Variants in COQ5 observed in about 807,000 individuals in gnomAD.
COQ5 encodes the protein 2-methoxy-6-polyprenyl-1,4-benzoquinol methylase, mitochondrial.
COQ5 carries 27 observed loss-of-function variants against 40.5 expected under a neutral mutation model. That is an observed-to-expected ratio of 0.67 (90% confidence interval 0.49 to 0.92). COQ5 has a LOEUF of 0.92. COQ5 is among the 40% of genes least tolerant of loss of function. The pLI is 0.00. For missense variants in COQ5, 409 were observed against 406.4 expected, an observed-to-expected ratio of 1.01 and a Z score of -0.06; for synonymous variants, 141 against 150.0, an observed-to-expected ratio of 0.94 and a Z score of 0.44.
At position 120,528,936 on chromosome 12, in the gene COQ5, T is replaced by C; in HGVS notation, c.202+4A>G. The C allele has an allele frequency of 6.2e-7, 1 of 1,613,984 alleles. No homozygotes were observed. Among genetic ancestry groups the C allele is most frequent in the Non-Finnish European group, 8.5e-7 (1 of 1,179,886 alleles). Reference sequence around the variant, plus strand: ...CCTCCCATCCGCCCTCTCGCCCCTTTCACCTTTGCCCCCCTTCTCCTCTTC... The same window carrying C: ...CCTCCCATCCGCCCTCTCGCCCCTTCCACCTTTGCCCCCCTTCTCCTCTTC... On this transcript the variant is annotated splice_donor_region_variant and intron_variant, in intron 1 of 6. Coordinates refer to ENST00000288532, the MANE Select transcript of COQ5 (RefSeq NM_032314.4).
Position 120,526,698 on chromosome 12 carries a change from A to ATTTTTTTTTTTTTTTTTTTTTTTTTTT in COQ5, c.202+2215_202+2241dup, listed in dbSNP as rs61584250. ...AATAGTGCTCAAACTACTCTTGGCA[A>ATTTTTTTTTTTTTTTTTTTTTTTTTTT]TTTTTTTTTTTTTTTTTTTTTTTTT... On this transcript the variant is annotated intron_variant, in intron 1 of 6. Transcript: ENST00000288532. Among the ~76,000 whole-genome samples the ATTTTTTTTTTTTTTTTTTTTTTTTTTT allele has an allele frequency of 7.8e-5, 5 of 64,150 alleles. 1 individual carries two copies. The highest frequency in any genetic ancestry group is 4.1e-4 in the African/African-American group (5 of 12,192). The allele number at this position is 64,150 out of a possible 152,430, so 42.1% of individuals were successfully genotyped here. A position where few individuals can be genotyped will look rare whatever the true frequency, so the allele number is the denominator to read the frequency against.
intron 2 of COQ5, among the ~76,000 whole-genome samples, chr12:120,518,020 T>G (rs1869460309): frequency 6.6e-6 from 1 of 152,090 alleles, no homozygotes; most frequent in Non-Finnish European, 1.5e-5. Context: ...TTGGTCAGGC[T>G]GGTCTCGAAC....
chr12:120,519,567 A>G (rs1869545087), intron 2 of COQ5, among the ~76,000 whole-genome samples: 1 of 151,764 alleles, frequency 6.6e-6, no homozygotes, highest in South Asian at 2.1e-4. Context: ...CTCAAAAAAA[A>G]AAGAATTGAA....
Position 120,504,027 on chromosome 12 carries a change from A to G in COQ5, c.825T>C (p.Ala275=). The G allele has an allele frequency of 7.4e-6, 12 of 1,613,920 alleles. No homozygotes were observed. The highest frequency in any genetic ancestry group is 1.0e-5 in the Non-Finnish European group (12 of 1,179,762). The change falls in exon 6 of 7, where the codon GCT becomes GCC. Residue 275 remains alanine, a synonymous_variant. Coordinates refer to ENST00000288532, the MANE Select transcript of COQ5 (RefSeq NM_032314.4). The part of the protein sequence containing the change: ...QVIPVLGEVI[A]GDWKSYQYLV... ...GGTACTGATAGGACTTCCAGTCTCC[A>G]GCGATGACCTCTCCCAGGACAGGGA...
At chr12:120,524,529 G>C (rs1476843318) in intron 1 of COQ5, among the ~76,000 whole-genome samples, 1 of 152,172 alleles carries the variant, frequency 6.6e-6, no homozygotes, top group Admixed American at 6.6e-5. Context: ...CAAAGTGCTA[G>C]GATTATAGGC....
At chr12:120,504,112 T>C (rs1868774010) in intron 5 of COQ5, 31 bp from the exon 6 acceptor site, 10 of 1,273,030 alleles carry the variant, frequency 7.9e-6, no homozygotes, top group Non-Finnish European at 1.1e-5. Context: ...AAGATGAAGA[T>C]TAGAACATGC....
intron 1 of COQ5, 132 bp from the exon 2 acceptor site, chr12:120,522,495 T>C: frequency 1.2e-6 from 1 of 822,890 alleles, no homozygotes; most frequent in Non-Finnish European, 2.1e-6. Context: ...TCGTAATGCT[T>C]GATGCCCAAA....
At chr12:120,522,950 C>G (rs770446917) in intron 1 of COQ5, 1 of 616,228 alleles carries the variant, frequency 1.6e-6, no homozygotes, top group Non-Finnish European at 2.9e-6. Flanking sequence ...TGGCCTGCAT[C>G]TTTTTTAGGC....
chr12:120,529,007 T>C lies in COQ5; in HGVS notation c.135A>G (p.Gln45=), dbSNP rs1378670424. The stretch of plus-strand genomic sequence containing the variant: ...AGTGCGTTTCCGCTGCCCGCTTCTC[T>C]TGGGACAAGAGCCGAGCACTTAGTA... The part of the protein sequence containing the change: ...GDLLSARLLS[Q]EKRAAETHFG... The change falls in exon 1 of 7, where the codon CAA becomes CAG. Residue 45 remains glutamine (Q), a synonymous_variant. Coordinates refer to ENST00000288532, the MANE Select transcript of COQ5 (RefSeq NM_032314.4). 2 of 1,614,006 alleles carry C rather than the reference T, an allele frequency of 1.2e-6. No individual in the cohort carries two copies. The highest frequency in any genetic ancestry group is 1.7e-6 in the Non-Finnish European group (2 of 1,180,046).
chr12:120,516,501 A>C lies in COQ5; in HGVS notation c.574+66T>G, dbSNP rs184473794. 1.6e-5 allele frequency: 21 copies of C among 1,299,638 alleles called. No homozygotes were observed. In the East Asian group the frequency reaches 4.6e-4, roughly 28 times the overall value. The allele number at this position is 1,299,638 out of a possible 1,614,324, so 80.5% of individuals were successfully genotyped here. A position where few individuals can be genotyped will look rare whatever the true frequency, so the allele number is the denominator to read the frequency against. On this transcript the variant is annotated intron_variant, in intron 3 of 6. Coordinates refer to ENST00000288532, the MANE Select transcript of COQ5 (RefSeq NM_032314.4). ...AAAAGATAAAGCATTTCAATATTTT[A>C]CATATTCCACCTTATTCTATAAAGA...
At chr12:120,506,015 C>A (rs962031587) in intron 4 of COQ5, among the ~76,000 whole-genome samples, 1 of 152,046 alleles carries the variant, frequency 6.6e-6, no homozygotes, top group Non-Finnish European at 1.5e-5. Flanking sequence ...ACCACCACAC[C>A]CAACTAATTT....
intron 1 of COQ5, 134 bp downstream of exon 1, chr12:120,528,806 A>C (rs1263117230): frequency 3.4e-6 from 1 of 297,728 alleles, no homozygotes. Flanking sequence ...TTCTGTCTCC[A>C]AAAAAAAAAA....
chr12:120,510,145 G>A (rs500003), intron 3 of COQ5, 22 bp from the exon 4 acceptor site: 1,565,897 of 1,583,280 alleles, frequency 0.99, 774,756 homozygotes, highest in Non-Finnish European at 1. Context: ...AGTGAGTTCC[G>A]GGTCTCAGTG....
In COQ5 at chr12:120,504,959, G is replaced by C; in HGVS notation, c.706C>G (p.Leu236Val). 6.2e-7 allele frequency: 1 copy of C among 1,614,120 alleles called. No homozygotes were observed. The highest frequency in any genetic ancestry group is 1.3e-5 in the African/African-American group (1 of 75,040). The part of the protein sequence containing the change: ...DQALQEAHRV[L>V]KPGGRFLCLE... ...CAGAGAAACCGTCCTCCTGGTTTCA[G>C]CACCCGATGAGCTTCCTGGAGTGCC... Residue 236 changes from leucine (L) to valine (V), a missense_variant, in exon 5 of 7, where the codon CTG becomes GTG. Physicochemically the swap from Leu to Val is conservative, Grantham distance 32 (BLOSUM62 1). Transcript: ENST00000288532.
At position 120,529,119 on chromosome 12, in the gene COQ5, G is replaced by A. The variant is rs779911285; in HGVS notation, c.23C>T (p.Ala8Val). Residue 8 changes from alanine (A) to valine (V), a missense_variant, in exon 1 of 7, where the codon GCT (alanine) becomes GTT (valine). Physicochemically the swap from Ala to Val is moderately conservative, Grantham distance 64 (BLOSUM62 0). Coordinates refer to ENST00000288532, the MANE Select transcript of COQ5 (RefSeq NM_032314.4). ...CCCACGGCCGCAATAGCTCCATAGA[G>A]CACAGCTCCCGGGGGCCGCCATCTT... The part of the protein sequence containing the change: MAAPGSC[A>V]LWSYCGRGWS... The A allele has an allele frequency of 5.6e-6, 9 of 1,613,934 alleles. No homozygotes were observed. The highest frequency in any genetic ancestry group is 3.3e-4 in the Middle Eastern group (2 of 6,048).
intron 2 of COQ5, 61 bp from the exon 3 acceptor site, chr12:120,516,849 A>G: frequency 1.4e-6 from 2 of 1,464,360 alleles, no homozygotes; most frequent in Non-Finnish European, 1.9e-6. Context: ...AGGAAGAAAC[A>G]GCATTTCCTA....
chr12:120,516,907 T>C, intron 2 of COQ5, 119 bp from the exon 3 acceptor site: 1 of 859,036 alleles, frequency 1.2e-6, no homozygotes, highest in Admixed American at 1.8e-5. Context: ...GTTAGCTAAC[T>C]GGATGCAGTG....
chr12:120,508,082 G>A (rs1248883574), intron 4 of COQ5, among the ~76,000 whole-genome samples: 10 of 146,478 alleles, frequency 6.8e-5, no homozygotes, highest in Admixed American at 3.4e-4. Context: ...TGCAGCCTCC[G>A]CCTCCTGGGT....
In COQ5 at chr12:120,506,429, C is replaced by G. The variant is rs146644369; in HGVS notation, c.682-1446G>C. ...TCACCCAGTCTGGAGTGCAGTGGCA[C>G]GATCTCAGCTCACTGCAACCTCTGC... On this transcript the variant is annotated intron_variant, in intron 4 of 6. Coordinates refer to ENST00000288532, the MANE Select transcript of COQ5 (RefSeq NM_032314.4). 2.7e-5 allele frequency among the ~76,000 whole-genome samples: 4 copies of G among 150,898 alleles called. No individual in the cohort carries two copies. In the South Asian group the frequency reaches 8.4e-4, roughly 32 times the overall value.
Sources: allele counts gnomAD v4.1 joint callset (sites outside exome capture counted in the v4.1 genomes callset), GRCh38; gene constraint gnomAD v4.1.1; transcripts MANE v1.5; gene names NCBI Gene and HGNC (gene_info 2026-07-23, HGNC 2026-07-21).